FHIT: variants seen among roughly 807,000 people sequenced by gnomAD.
FHIT encodes fragile histidine triad diadenosine triphosphatase.
A neutral mutation model predicts 17.9 loss-of-function variants in FHIT; 19 were observed. The ratio of observed to expected loss-of-function variants is 1.06; its 90% confidence interval spans 0.74 to 1.56. FHIT has a LOEUF of 1.56. Ranked by LOEUF, FHIT falls within the 40% of genes most tolerant of loss-of-function variation. The pLI is 0.00. For missense variants in FHIT, 248 were observed against 189.2 expected (o/e 1.31, Z -1.82); for synonymous variants, 81 against 69.7 (o/e 1.16, Z -0.81).
At chr3:60,301,200 AAAT>A (rs1559801587) in intron 5 of FHIT, among the ~76,000 whole-genome samples, 2 of 152,158 alleles carry the variant, frequency 1.3e-5, no homozygotes, top group African/African-American at 2.4e-5. Context: ...GTCAACAAGT[AAAT>A]AATATTTCAT....
At chr3:60,202,893 G>T (rs1310622111) in intron 5 of FHIT, among the ~76,000 whole-genome samples, 1 of 152,054 alleles carries the variant, frequency 6.6e-6, no homozygotes, top group African/African-American at 2.4e-5. Flanking sequence ...CAGTCAGAAA[G>T]CTACTCCCAT....
At chr3:60,889,600 A>T (rs1222228860) in intron 3 of FHIT, among the ~76,000 whole-genome samples, 1 of 152,354 alleles carries the variant, frequency 6.6e-6, no homozygotes, top group Non-Finnish European at 1.5e-5. Flanking sequence ...TGGAGGCAAT[A>T]GTGAGGACTG....
chr3:60,451,438 A>G (rs1438428946), intron 5 of FHIT, among the ~76,000 whole-genome samples: 2 of 152,168 alleles, frequency 1.3e-5, no homozygotes, highest in Non-Finnish European at 2.9e-5. Flanking sequence ...ATGGACTGGT[A>G]CATCTTGTCT....
chr3:61,032,557 G>A (rs1378170808), intron 3 of FHIT, among the ~76,000 whole-genome samples: 1 of 152,140 alleles, frequency 6.6e-6, no homozygotes, highest in Non-Finnish European at 1.5e-5. Flanking sequence ...AAAACCAGAA[G>A]GAGCAGGGAA....
intron 5 of FHIT, among the ~76,000 whole-genome samples, chr3:60,147,520 C>T (rs1700291580): frequency 6.6e-6 from 1 of 152,202 alleles, no homozygotes; most frequent in Admixed American, 6.5e-5. Context: ...GAAAGTTCAA[C>T]ATGCGACAGG....
intron 2 of FHIT, among the ~76,000 whole-genome samples, chr3:61,199,800 C>A (rs2038961112): frequency 6.6e-6 from 1 of 152,016 alleles, no homozygotes; most frequent in Admixed American, 6.6e-5. Context: ...ATGATGAAAA[C>A]AAATGTAAAA....
At chr3:60,523,139 G>T (rs140965592) in intron 5 of FHIT, among the ~76,000 whole-genome samples, 3 of 152,046 alleles carry the variant, frequency 2.0e-5, no homozygotes, top group Admixed American at 2.0e-4. Flanking sequence ...ATCTCCCACG[G>T]GCTCCCTCCC....
intron 7 of FHIT, among the ~76,000 whole-genome samples, chr3:59,938,450 T>C (rs770509120): frequency 3.9e-5 from 6 of 151,990 alleles, no homozygotes; most frequent in African/African-American, 1.4e-4. Context: ...AGCAGCAGAT[T>C]TGTAGGAAGA....
chr3:60,178,348 A>C (rs541510811), intron 5 of FHIT, among the ~76,000 whole-genome samples: 2 of 152,284 alleles, frequency 1.3e-5, no homozygotes, highest in South Asian at 4.1e-4. Context: ...GCACTTTGGG[A>C]GGCTGAGGCG....
At chr3:60,360,491 AC>A (rs1379896219) in intron 5 of FHIT, among the ~76,000 whole-genome samples, 1 of 152,034 alleles carries the variant, frequency 6.6e-6, no homozygotes, top group East Asian at 1.9e-4. Flanking sequence ...CAAGTCTTTG[AC>A]TCTGAGAGCC....
chr3:60,963,407 G>A (rs1709559560), intron 3 of FHIT, among the ~76,000 whole-genome samples: 1 of 152,100 alleles, frequency 6.6e-6, no homozygotes, highest in African/African-American at 2.4e-5. Context: ...TTTTTTGAAG[G>A]GTTTTTTGTG....
At chr3:59,964,147 A>C (rs1575777577) in intron 7 of FHIT, among the ~76,000 whole-genome samples, 1 of 152,160 alleles carries the variant, frequency 6.6e-6, no homozygotes, top group East Asian at 1.9e-4. Context: ...AATAACTTTA[A>C]ATTTTTGGTT....
chr3:61,184,235 C>T (rs768289270), intron 2 of FHIT, among the ~76,000 whole-genome samples: 66 of 152,174 alleles, frequency 4.3e-4, no homozygotes, highest in South Asian at 4.1e-4. Context: ...GGCATCTACT[C>T]ATGTTTACAG....
intron 5 of FHIT, among the ~76,000 whole-genome samples, chr3:60,124,039 G>GAGAGAGAC (rs1559653888): frequency 5.3e-5 from 6 of 113,812 alleles, no homozygotes; most frequent in Non-Finnish European, 9.2e-5. Flanking sequence ...GAGAGAGAGA[G>GAGAGAGAC]AGAGAGAGAG....
chr3:60,314,071 T>C (rs1392484439), intron 5 of FHIT, among the ~76,000 whole-genome samples: 2 of 151,530 alleles, frequency 1.3e-5, no homozygotes, highest in African/African-American at 2.4e-5. Flanking sequence ...CCGAATAGTT[T>C]AAAAGGCTCG....
intron 4 of FHIT, among the ~76,000 whole-genome samples, chr3:60,717,311 A>G (rs1248626403): frequency 2.0e-5 from 3 of 152,158 alleles, no homozygotes; most frequent in African/African-American, 7.2e-5. Flanking sequence ...AGAGAGTAGC[A>G]TTTAAGATCT....
At chr3:60,020,974 T>C (rs1458248529) in intron 5 of FHIT, among the ~76,000 whole-genome samples, 2 of 152,140 alleles carry the variant, frequency 1.3e-5, no homozygotes, top group African/African-American at 2.4e-5. Flanking sequence ...GGGCCACACC[T>C]TTTTTCAGTG....
At chr3:59,947,348 T>C (rs1461382562) in intron 7 of FHIT, among the ~76,000 whole-genome samples, 1 of 152,046 alleles carries the variant, frequency 6.6e-6, no homozygotes, top group Non-Finnish European at 1.5e-5. Context: ...TTCTGGGGGG[T>C]TGGTGGTAAT....
At chr3:60,237,715 T>C (rs998728451) in intron 5 of FHIT, among the ~76,000 whole-genome samples, 1 of 152,182 alleles carries the variant, frequency 6.6e-6, no homozygotes, top group Non-Finnish European at 1.5e-5. Flanking sequence ...TTATTGCTTC[T>C]TGGTGCCTAA....
Sources: gnomAD v4.1 joint callset for allele counts (sites outside exome capture counted in the v4.1 genomes callset) on GRCh38, gnomAD v4.1.1 for gene constraint, MANE v1.5 for transcripts, NCBI Gene and HGNC (gene_info 2026-07-23, HGNC 2026-07-21) for gene names.